The following DOCK3 variants were observed in gnomAD, a reference collection of about 807,000 sequenced individuals.
DOCK3 encodes dedicator of cytokinesis 3.
DOCK3 carries 60 observed loss-of-function variants against 265.6 expected under a neutral mutation model. The observed-to-expected ratio is 0.23, with a 90% CI of 0.18 to 0.28. The LOEUF (loss-of-function observed/expected upper bound fraction) is 0.28. DOCK3 is among the 10% of genes least tolerant of loss of function. DOCK3 has a pLI of 1.00. For missense variants in DOCK3, 1,981 were observed against 2,594.3 expected (o/e 0.76, Z 5.14); for synonymous variants, 881 against 938.0 (o/e 0.94, Z 1.11).
At chr3:50,795,952 G>A (rs11928767) in intron 2 of DOCK3, among the ~76,000 whole-genome samples, 151,920 of 152,338 alleles carry the variant, frequency 1, 75,757 homozygotes, top group Middle Eastern at 1. Context: ...TATCGCAATG[G>A]TCTTCCTCCC....
At chr3:51,267,027 C>T (rs2080214671) in intron 23 of DOCK3, among the ~76,000 whole-genome samples, 1 of 152,108 alleles carries the variant, frequency 6.6e-6, no homozygotes, top group Admixed American at 6.6e-5. Flanking sequence ...AGACACTTCT[C>T]AAAAGAAGAC....
At chr3:50,949,104 T>C (rs1307336671) in intron 5 of DOCK3, among the ~76,000 whole-genome samples, 3 of 152,142 alleles carry the variant, frequency 2.0e-5, no homozygotes, top group African/African-American at 7.2e-5. Flanking sequence ...TTCCCTAACC[T>C]TAGGATAGGC....
At chr3:50,890,156 C>G (rs899711412) in intron 4 of DOCK3, 75 bp downstream of exon 4, 6 of 1,221,736 alleles carry the variant, frequency 4.9e-6, no homozygotes, top group Non-Finnish European at 6.5e-6. Flanking sequence ...CCTTTTGGTT[C>G]ATAGTATAAA....
intron 7 of DOCK3, among the ~76,000 whole-genome samples, chr3:51,080,371 A>G (rs2082185567): frequency 6.6e-6 from 1 of 152,232 alleles, no homozygotes. Context: ...CACTTGTAGT[A>G]TAAAGATAAA....
intron 5 of DOCK3, among the ~76,000 whole-genome samples, chr3:51,046,865 A>G (rs1393314147): frequency 6.6e-6 from 1 of 152,184 alleles, no homozygotes; most frequent in Non-Finnish European, 1.5e-5. Flanking sequence ...CACTTTAAAT[A>G]TATTTTCTAA....
chr3:51,270,939 A>C lies in DOCK3; in HGVS notation c.2480A>C (p.Gln827Pro). The C allele has an allele frequency of 6.2e-7, 1 of 1,614,052 alleles. No homozygotes were observed. The highest frequency in any genetic ancestry group is 8.5e-7 in the Non-Finnish European group (1 of 1,179,900). Residue 827 changes from glutamine (Q) to proline (P), a missense_variant, in exon 24 of 53, where the codon CAG (glutamine) becomes CCG (proline). Physicochemically the swap from Gln to Pro is moderately conservative, Grantham distance 76. This residue lies in a region of DOCK3 where 1,357 missense variants were observed against 1,866.8 expected (regional missense o/e 0.73). Transcript: ENST00000266037. ...ATGCCCAGCACTGTGCACATTGGGC[A>C]GTCAATGGACGTGGTCAAGCTGCAG... ...GSMPSTVHIGQSMDVVKLQSI... is the reference protein window; with the variant it reads ...GSMPSTVHIGPSMDVVKLQSI...
At chr3:51,239,107 C>A (rs1218464337) in intron 21 of DOCK3, among the ~76,000 whole-genome samples, 2 of 152,172 alleles carry the variant, frequency 1.3e-5, no homozygotes, top group African/African-American at 2.4e-5. Context: ...TTCTCTGCAA[C>A]CTTGCCAGCA....
Position 51,208,858 on chromosome 3 carries a change from C to T in DOCK3, c.1122C>T (p.Ser374=). The T allele has an allele frequency of 1.2e-6, 2 of 1,609,590 alleles. No individual in the cohort carries two copies. The highest frequency in any genetic ancestry group is 1.7e-5 in the Admixed American group (1 of 59,442). Residue 374 remains serine (S), a synonymous_variant, in exon 13 of 53, where the codon AGC becomes AGT. Transcript: ENST00000266037. The part of the protein sequence containing the change: ...SSAKYSAPSA[S]HGLIISLQLL... ...CCAAGTACTCTGCCCCCAGCGCCAGCCATGGTGAGATACTTCTCTGACTAG... is the reference window on the plus strand; with the variant it reads ...CCAAGTACTCTGCCCCCAGCGCCAGTCATGGTGAGATACTTCTCTGACTAG...
At position 51,379,996 on chromosome 3, in the gene DOCK3, A is replaced by G. The variant is rs533580643; in HGVS notation, c.5501-129A>G. 7.4e-4 allele frequency: 535 copies of G among 726,498 alleles called. 3 individuals carry two copies. In the East Asian group the frequency reaches 9.2e-3, roughly 12 times the overall value. 45.0% of individuals were successfully genotyped at this position (726,498 alleles called of 1,614,324 possible). On this transcript the variant is annotated intron_variant, in intron 51 of 52. Transcript: ENST00000266037. The stretch of plus-strand genomic sequence containing the variant: ...GGCCAGTGTAAAGAGAGGTTTATCC[A>G]TAGCCCTCAATGCTGAGGGGTCCCC...
chr3:51,034,020 T>G (rs528422612), intron 5 of DOCK3, among the ~76,000 whole-genome samples: 1 of 152,188 alleles, frequency 6.6e-6, no homozygotes, highest in Non-Finnish European at 1.5e-5. Context: ...TTCAAGTTAA[T>G]GTCTTATCGT....
chr3:51,251,164 C>G (rs1030268201), intron 22 of DOCK3, among the ~76,000 whole-genome samples: 1 of 152,162 alleles, frequency 6.6e-6, no homozygotes. Context: ...ATGATGGATT[C>G]CAGCTTCATC....
chr3:51,306,530 G>A (rs1391687138), intron 27 of DOCK3, among the ~76,000 whole-genome samples: 1 of 152,120 alleles, frequency 6.6e-6, no homozygotes, highest in Admixed American at 6.5e-5. Flanking sequence ...CTACCACTGT[G>A]TGTGTGTTTA....
chr3:50,915,676 C>A (rs1419252422), intron 4 of DOCK3, among the ~76,000 whole-genome samples: 21 of 151,954 alleles, frequency 1.4e-4, no homozygotes, highest in Admixed American at 1.4e-3. Flanking sequence ...TTCTGGGTGA[C>A]CCAGGTATCA....
chr3:50,815,773 A>G (rs1314578234), intron 2 of DOCK3, among the ~76,000 whole-genome samples: 1 of 152,208 alleles, frequency 6.6e-6, no homozygotes, highest in Non-Finnish European at 1.5e-5. Context: ...ATTACAACGG[A>G]TTTACTTACA....
chr3:51,361,267 G>T lies in DOCK3; in HGVS notation c.5007-592G>T, dbSNP rs930439065. 1.3e-5 allele frequency among the ~76,000 whole-genome samples: 2 copies of T among 152,238 alleles called. No homozygotes were observed. The highest frequency in any genetic ancestry group is 2.9e-5 in the Non-Finnish European group (2 of 68,040). On this transcript the variant is annotated intron_variant, in intron 47 of 52. Coordinates refer to ENST00000266037, the MANE Select transcript of DOCK3 (RefSeq NM_004947.5). This position sits in a 1 kb window ranked among gnomAD's most constrained non-coding sequence, Gnocchi z 4.2. ...CTCACTTAGGCTTGTTTTCCAGTGT[G>T]AGCAGCAGCTCAGCACAGAGTGGGC...
At chr3:50,755,013 G>A (rs370999200) in intron 1 of DOCK3, among the ~76,000 whole-genome samples, 33 of 152,280 alleles carry the variant, frequency 2.2e-4, no homozygotes, top group African/African-American at 7.0e-4. Context: ...TGCAGCAAAA[G>A]CTAGTTTCCA....
At chr3:51,252,840 T>A (rs2079329075) in intron 22 of DOCK3, among the ~76,000 whole-genome samples, 1 of 152,216 alleles carries the variant, frequency 6.6e-6, no homozygotes, top group Non-Finnish European at 1.5e-5. Flanking sequence ...TTTTCCTAAT[T>A]CAATACCCTT....
chr3:50,861,870 T>TA (rs1553686378), intron 3 of DOCK3, among the ~76,000 whole-genome samples: 1 of 151,524 alleles, frequency 6.6e-6, no homozygotes, highest in Non-Finnish European at 1.5e-5. Flanking sequence ...TTTTTTTTTT[T>TA]AAATACAAAT....
At chr3:51,063,029 G>C (rs184747379) in intron 5 of DOCK3, among the ~76,000 whole-genome samples, 99 of 152,296 alleles carry the variant, frequency 6.5e-4, no homozygotes, top group Non-Finnish European at 1.2e-3. Flanking sequence ...GGAGAAGTTA[G>C]AGTATATGAT....
Sources: allele counts gnomAD v4.1 joint callset (sites outside exome capture counted in the v4.1 genomes callset), GRCh38; gene constraint gnomAD v4.1.1; regional missense constraint gnomAD v4.1.1; non-coding constraint Gnocchi (gnomAD v3.1); transcripts MANE v1.5; gene names NCBI Gene and HGNC (gene_info 2026-07-23, HGNC 2026-07-21).